Variants in PCDHGA7 observed in about 807,000 individuals in gnomAD.
PCDHGA7 encodes the protein protocadherin gamma-A7.
In PCDHGA7, 44 loss-of-function variants were observed where a neutral mutation model predicts 58.3. That is an observed-to-expected ratio of 0.75 (90% CI 0.59 to 0.97). The LOEUF (loss-of-function observed/expected upper bound fraction) is 0.97, where lower values mean the gene tolerates loss of function less well. Among genes scored for constraint, PCDHGA7 ranks in the 50% least tolerant of loss-of-function variants. The probability of loss-of-function intolerance (pLI) is 0.00; values close to 1 mark genes in which losing one functional copy is unlikely to be tolerated. For missense variants in PCDHGA7, 1,266 were observed against 1,188.7 expected, an observed-to-expected ratio of 1.06 and a Z score of -0.96; for synonymous variants, 516 against 504.2, an observed-to-expected ratio of 1.02 and a Z score of -0.31.
rs1426305491 is a variant in PCDHGA7 at position 141,489,758 on chromosome 5, G to A, written c.2425-5049G>A. 1 of 1,614,084 alleles carries A rather than the reference G, an allele frequency of 6.2e-7. No homozygotes were observed. The highest frequency in any genetic ancestry group is 1.7e-5 in the Admixed American group (1 of 60,020). On this transcript the variant is annotated intron_variant, in intron 1 of 3. Coordinates refer to ENST00000518325, the MANE Select transcript of PCDHGA7 (RefSeq NM_018920.4). The surrounding 1 kb of genome is among the most constrained non-coding windows in gnomAD (Gnocchi z 4.5). ...AATACTGTGAGCTTTTACACTCTAAGCCCCAACAGCCACTTCTCTCTGAAT... is the reference window on the plus strand; with the variant it reads ...AATACTGTGAGCTTTTACACTCTAAACCCCAACAGCCACTTCTCTCTGAAT...
At chr5:141,452,881 T>A (rs1273440996) in intron 1 of PCDHGA7, among the ~76,000 whole-genome samples, 1 of 152,166 alleles carries the variant, frequency 6.6e-6, no homozygotes, top group African/African-American at 2.4e-5. Context: ...TTTGTAATAA[T>A]TTATTCCACT....
chr5:141,431,770 T>A lies in PCDHGA7; in HGVS notation c.2424+46447T>A, dbSNP rs748816389. 7 of 1,614,086 alleles carry A rather than the reference T, an allele frequency of 4.3e-6. No homozygotes were observed. The highest frequency in any genetic ancestry group is 1.3e-5 in the African/African-American group (1 of 74,938). ...CGCGAGCCAAAGTCCTGATCACTGT[T>A]CTGGACGTGAACGACAATGCCCCAG... On this transcript the variant is annotated intron_variant, in intron 1 of 3. Coordinates refer to ENST00000518325, the MANE Select transcript of PCDHGA7 (RefSeq NM_018920.4). This position sits in a 1 kb window ranked among gnomAD's most constrained non-coding sequence, Gnocchi z 4.8.
At position 141,490,597 on chromosome 5, in the gene PCDHGA7, C is replaced by G. The variant is rs781077720; in HGVS notation, c.2425-4210C>G. 1 of 1,614,182 alleles carries G rather than the reference C, an allele frequency of 6.2e-7. No homozygotes were observed. On this transcript the variant is annotated intron_variant, in intron 1 of 3. Transcript: ENST00000518325. This position sits in a 1 kb window ranked among gnomAD's most constrained non-coding sequence, Gnocchi z 5.4. ...TTCAGATGTCAATGACAATGCACCC[C>G]GCTTCAACCAGCAGCTTTACACTGC...
chr5:141,463,438 C>CTTTTTTTT (rs71576115), intron 1 of PCDHGA7, among the ~76,000 whole-genome samples: 3 of 103,252 alleles, frequency 2.9e-5, no homozygotes, highest in African/African-American at 8.9e-5. Context: ...TTTCCTTCTC[C>CTTTTTTTT]TTTTTTTTTT....
At chr5:141,499,570 A>C (rs1027373056) in intron 2 of PCDHGA7, among the ~76,000 whole-genome samples, 2 of 152,200 alleles carry the variant, frequency 1.3e-5, no homozygotes, top group Non-Finnish European at 2.9e-5. Flanking sequence ...TCCAGCTTCA[A>C]CTAATGCCTT....
At chr5:141,499,189 C>T (rs1406015145) in intron 2 of PCDHGA7, among the ~76,000 whole-genome samples, 3 of 152,088 alleles carry the variant, frequency 2.0e-5, no homozygotes, top group African/African-American at 7.2e-5. Flanking sequence ...AAACCATTTC[C>T]CCCTTCTTAG....
chr5:141,418,754 G>A (rs748707880), intron 1 of PCDHGA7: 1 of 1,613,926 alleles, frequency 6.2e-7, no homozygotes, highest in South Asian at 1.1e-5. Context: ...TTACACTACA[G>A]GAAACATTCT....
intron 1 of PCDHGA7, among the ~76,000 whole-genome samples, chr5:141,437,980 C>T (rs1198278358): frequency 1.3e-5 from 2 of 152,050 alleles, no homozygotes; most frequent in Non-Finnish European, 2.9e-5. Flanking sequence ...TTGGGATGCA[C>T]CCACCCCACC....
At position 141,487,074 on chromosome 5, in the gene PCDHGA7, T is replaced by C; in HGVS notation, c.2425-7733T>C. The C allele has an allele frequency of 6.2e-7, 1 of 1,614,104 alleles. No homozygotes were observed. The highest frequency in any genetic ancestry group is 8.5e-7 in the Non-Finnish European group (1 of 1,179,978). Reference sequence around the variant, plus strand: ...GGGGAGGTGCGGACGGCTGTTCCTATCCCAGCTGACCTCCCACCACAGAAG... The same window carrying C: ...GGGGAGGTGCGGACGGCTGTTCCTACCCCAGCTGACCTCCCACCACAGAAG... On this transcript the variant is annotated intron_variant, in intron 1 of 3. Transcript: ENST00000518325. The surrounding 1 kb of genome is among the most constrained non-coding windows in gnomAD (Gnocchi z 5.0).
rs55729045 is a variant in PCDHGA7 at position 141,395,542 on chromosome 5, TTGTGTGTGTGTGTGTG to T, written c.2424+10253_2424+10268del. 64 of 172,628 alleles carry T rather than the reference TTGTGTGTGTGTGTGTG, an allele frequency of 3.7e-4. 1 individual carries two copies. Among genetic ancestry groups the T allele is most frequent in the South Asian group, 2.0e-3 (23 of 11,528 alleles). The allele number at this position is 172,628 out of a possible 1,614,324, so 10.7% of individuals were successfully genotyped here. A position where few individuals can be genotyped will look rare whatever the true frequency, so the allele number is the denominator to read the frequency against. ...TCCATACTGGTAATTTTGCTATTGT[TTGTGTGTGTGTGTGTG>T]TGTGTGTGTGTGTGTGTGTGTGTGT... On this transcript the variant is annotated intron_variant, in intron 1 of 3. Coordinates refer to ENST00000518325, the MANE Select transcript of PCDHGA7 (RefSeq NM_018920.4).
At chr5:141,503,502 G>A (rs750139098) in intron 2 of PCDHGA7, among the ~76,000 whole-genome samples, 5 of 151,828 alleles carry the variant, frequency 3.3e-5, no homozygotes, top group Admixed American at 2.0e-4. Context: ...AAGAGGCTGA[G>A]GCAGGAGAAT....
At chr5:141,468,836 A>G (rs1286137807) in intron 1 of PCDHGA7, among the ~76,000 whole-genome samples, 1 of 152,170 alleles carries the variant, frequency 6.6e-6, no homozygotes, top group East Asian at 1.9e-4. Flanking sequence ...ACTGCACTCC[A>G]GCCTGGGCAA....
At chr5:141,393,277 C>T (rs749579658) in intron 1 of PCDHGA7, 4 of 1,613,844 alleles carry the variant, frequency 2.5e-6, no homozygotes, top group Non-Finnish European at 3.4e-6. Flanking sequence ...TATCCACTCC[C>T]AGAAGCTGTT....
At position 141,431,119 on chromosome 5, in the gene PCDHGA7, A is replaced by C. The variant is rs147514897; in HGVS notation, c.2424+45796A>C. 1.2e-6 allele frequency: 2 copies of C among 1,614,134 alleles called. No individual in the cohort carries two copies. The highest frequency in any genetic ancestry group is 2.7e-5 in the African/African-American group (2 of 74,956). ...ATAAAGTGAAAATATATGGAGTAGA[A>C]GTAGAAGTAAGGGACATTAACGACA... On this transcript the variant is annotated intron_variant, in intron 1 of 3. Coordinates refer to ENST00000518325, the MANE Select transcript of PCDHGA7 (RefSeq NM_018920.4). The surrounding 1 kb of genome is among the most constrained non-coding windows in gnomAD (Gnocchi z 4.8).
intron 1 of PCDHGA7, among the ~76,000 whole-genome samples, chr5:141,401,330 A>G (rs1377404173): frequency 6.6e-6 from 1 of 152,218 alleles, no homozygotes. Context: ...CAACAAGAGC[A>G]AAACTCCATC....
intron 1 of PCDHGA7, chr5:141,426,986 C>T (rs764345099): frequency 1.8e-5 from 8 of 456,618 alleles, no homozygotes; most frequent in South Asian, 7.7e-5. Flanking sequence ...CTGATGCCAA[C>T]GATAATGCCC....
rs759220286 is a variant in PCDHGA7 at position 141,490,018 on chromosome 5, C to G, written c.2425-4789C>G. The G allele has an allele frequency of 6.2e-7, 1 of 1,614,252 alleles. No individual in the cohort carries two copies. Among genetic ancestry groups the G allele is most frequent in the Non-Finnish European group, 8.5e-7 (1 of 1,180,038 alleles). ...CCCAGAGAATGCACCCATTGGTACTCTGCTGCTCCGCCTCAATGCCACTGA... is the reference window on the plus strand; with the variant it reads ...CCCAGAGAATGCACCCATTGGTACTGTGCTGCTCCGCCTCAATGCCACTGA... On this transcript the variant is annotated intron_variant, in intron 1 of 3. Transcript: ENST00000518325. This position sits in a 1 kb window ranked among gnomAD's most constrained non-coding sequence, Gnocchi z 5.4.
In PCDHGA7 at chr5:141,419,475, C is replaced by T. The variant is rs775720158; in HGVS notation, c.2424+34152C>T. On this transcript the variant is annotated intron_variant, in intron 1 of 3. Coordinates refer to ENST00000518325, the MANE Select transcript of PCDHGA7 (RefSeq NM_018920.4). Reference sequence around the variant, plus strand: ...ACGCTGCAGGCCCGCGACCAGGGCTCGCCCGCGCTCAGCGCCAATGTGAGC... The same window carrying T: ...ACGCTGCAGGCCCGCGACCAGGGCTTGCCCGCGCTCAGCGCCAATGTGAGC... The T allele has an allele frequency of 4.6e-5, 74 of 1,612,266 alleles. No homozygotes were observed. The highest frequency in any genetic ancestry group is 5.9e-5 in the Non-Finnish European group (70 of 1,179,514).
At position 141,431,248 on chromosome 5, in the gene PCDHGA7, G is replaced by T. The variant is rs1213088915; in HGVS notation, c.2424+45925G>T. ...CCCACGCCTGGGATCCGGATATCGG[G>T]AAGAACTCTCTGCAGAGCTACGAGC... On this transcript the variant is annotated intron_variant, in intron 1 of 3. Coordinates refer to ENST00000518325, the MANE Select transcript of PCDHGA7 (RefSeq NM_018920.4). The surrounding 1 kb of genome is among the most constrained non-coding windows in gnomAD (Gnocchi z 4.8). 6.2e-7 allele frequency: 1 copy of T among 1,614,022 alleles called. No individual in the cohort carries two copies. The highest frequency in any genetic ancestry group is 8.5e-7 in the Non-Finnish European group (1 of 1,180,056).
Sources: allele counts gnomAD v4.1 joint callset (sites outside exome capture counted in the v4.1 genomes callset), GRCh38; gene constraint gnomAD v4.1.1; non-coding constraint Gnocchi (gnomAD v3.1); transcripts MANE v1.5; gene names NCBI Gene and HGNC (gene_info 2026-07-23, HGNC 2026-07-21).